The following NTM variants were observed in gnomAD, a reference collection of about 807,000 sequenced individuals.
NTM encodes the protein neurotrimin.
NTM carries 13 observed loss-of-function variants against 42.1 expected under a neutral mutation model. The ratio of observed to expected loss-of-function variants is 0.31; its 90% CI spans 0.20 to 0.49. The LOEUF (loss-of-function observed/expected upper bound fraction) is 0.49, where lower values mean the gene tolerates loss of function less well. Ranked by LOEUF, NTM falls within the 20% of genes least tolerant of loss-of-function variation. The pLI is 0.99. For synonymous variants in NTM, 187 were observed against 179.2 expected (o/e 1.04, Z -0.35); for missense variants, 373 against 452.8 (o/e 0.82, Z 1.60).
intron 1 of NTM, among the ~76,000 whole-genome samples, chr11:131,789,695 G>A (rs956546562): frequency 4.6e-5 from 7 of 150,858 alleles, no homozygotes; most frequent in Admixed American, 2.0e-4. Context: ...GGTGGCTCTC[G>A]CCTGTAATCC....
intron 2 of NTM, among the ~76,000 whole-genome samples, chr11:132,104,959 A>G (rs867126067): frequency 0.02 from 2,129 of 105,544 alleles, 281 homozygotes; most frequent in African/African-American, 0.046. Context: ...ATATATATAT[A>G]TATATATATA....
chr11:131,773,313 T>C (rs527564107), intron 1 of NTM, among the ~76,000 whole-genome samples: 1 of 152,328 alleles, frequency 6.6e-6, no homozygotes, highest in Non-Finnish European at 1.5e-5. Context: ...ACTAATCACA[T>C]CCCCAAAGCC....
intron 2 of NTM, among the ~76,000 whole-genome samples, chr11:131,922,619 C>G (rs1384567402): frequency 6.6e-6 from 1 of 152,100 alleles, no homozygotes; most frequent in Non-Finnish European, 1.5e-5. Flanking sequence ...CACTTTTTAC[C>G]ATCTCAAGCA....
intron 1 of NTM, among the ~76,000 whole-genome samples, chr11:131,884,993 C>A (rs1173650501): frequency 6.6e-6 from 1 of 152,152 alleles, no homozygotes; most frequent in Non-Finnish European, 1.5e-5. Context: ...CCCAGCATTA[C>A]AGCTGGGTAA....
intron 1 of NTM, among the ~76,000 whole-genome samples, chr11:131,521,709 C>T (rs976918650): frequency 6.6e-6 from 1 of 151,884 alleles, no homozygotes; most frequent in Non-Finnish European, 1.5e-5. Context: ...GCTCCCCTCC[C>T]ACTAGGCTCC....
At chr11:131,555,266 G>A (rs2055252762) in intron 1 of NTM, among the ~76,000 whole-genome samples, 1 of 152,148 alleles carries the variant, frequency 6.6e-6, no homozygotes, top group Non-Finnish European at 1.5e-5. Context: ...CTCAATCTGT[G>A]GCAAGATATA....
intron 1 of NTM, among the ~76,000 whole-genome samples, chr11:131,890,016 A>T (rs1299133565): frequency 4.0e-5 from 6 of 151,846 alleles, no homozygotes; most frequent in African/African-American, 1.4e-4. Flanking sequence ...TTCTCAGCCC[A>T]CCCAAAGCTC....
chr11:131,397,976 A>G (rs1944743742), intron 1 of NTM, among the ~76,000 whole-genome samples: 1 of 152,202 alleles, frequency 6.6e-6, no homozygotes, highest in Non-Finnish European at 1.5e-5. Context: ...GCATGTCAAA[A>G]AGCTGTGTAA....
intron 1 of NTM, among the ~76,000 whole-genome samples, chr11:131,798,322 A>C (rs1416241035): frequency 6.6e-6 from 1 of 152,150 alleles, no homozygotes; most frequent in East Asian, 1.9e-4. Flanking sequence ...ACAGTGCTGC[A>C]GTTGTTTTTT....
rs571025153 is a variant in NTM, at chr11:131,813,909, A to G, written c.83-97655A>G. ...AGCCCTCATTCTCCTCATTCGTAAC[A>G]GTGCCTACTTCACAGACTTCATGGA... On this transcript the variant is annotated intron_variant, in intron 1 of 8. Transcript: ENST00000683400. Among the ~76,000 whole-genome samples, 5 of 152,292 alleles carry G rather than the reference A, an allele frequency of 3.3e-5. No homozygotes were observed. In the East Asian group the frequency reaches 9.7e-4, roughly 29 times the overall value.
intron 4 of NTM, among the ~76,000 whole-genome samples, chr11:132,236,729 C>T (rs912651260): frequency 1.3e-5 from 2 of 152,212 alleles, no homozygotes; most frequent in African/African-American, 2.4e-5. Flanking sequence ...TGTGCTAGTG[C>T]TCAGAAGTGT....
chr11:132,302,785 C>T (rs1228440341), intron 4 of NTM, among the ~76,000 whole-genome samples: 1 of 152,164 alleles, frequency 6.6e-6, no homozygotes, highest in African/African-American at 2.4e-5. Flanking sequence ...CATCAGGAGG[C>T]CTGGTGTGCT....
intron 1 of NTM, among the ~76,000 whole-genome samples, chr11:131,383,376 G>A (rs1221235193): frequency 6.6e-6 from 1 of 152,220 alleles, no homozygotes; most frequent in Admixed American, 6.5e-5. Flanking sequence ...ATAAAAGCAG[G>A]TAAGTTTGCT....
At chr11:132,260,086 C>A (rs2092753573) in intron 4 of NTM, among the ~76,000 whole-genome samples, 1 of 152,110 alleles carries the variant, frequency 6.6e-6, no homozygotes, top group African/African-American at 2.4e-5. Flanking sequence ...GAATGGGAAA[C>A]AAGGGAGGAG....
At chr11:132,042,553 G>A (rs2077345522) in intron 2 of NTM, among the ~76,000 whole-genome samples, 1 of 152,218 alleles carries the variant, frequency 6.6e-6, no homozygotes, top group African/African-American at 2.4e-5. Context: ...GACACCTCCA[G>A]TGAAAAGGCT....
chr11:131,657,025 T>A (rs2067276477), intron 1 of NTM, among the ~76,000 whole-genome samples: 1 of 151,898 alleles, frequency 6.6e-6, no homozygotes. Context: ...AACCAAGTGC[T>A]TCTCTGCATT....
chr11:131,780,770 A>C lies in NTM; in HGVS notation c.83-130794A>C, dbSNP rs531286736. Among the ~76,000 whole-genome samples the C allele has an allele frequency of 5.3e-5, 8 of 152,338 alleles. No homozygotes were observed. The East Asian group carries it at 9.7e-4, about 18-fold the overall frequency. On this transcript the variant is annotated intron_variant, in intron 1 of 8. Transcript: ENST00000683400. ...CTAAGTACACGAAGCAGCCTTTAGA[A>C]TCTAATGTGAGAGGGTCCTTATGGT...
At chr11:132,161,661 C>T (rs962265294) in intron 3 of NTM, among the ~76,000 whole-genome samples, 3 of 152,006 alleles carry the variant, frequency 2.0e-5, no homozygotes, top group Non-Finnish European at 2.9e-5. Context: ...TCCCCTGGCG[C>T]CCCCTTGCCA....
At chr11:132,099,007 C>G (rs958902534) in intron 2 of NTM, among the ~76,000 whole-genome samples, 8 of 152,208 alleles carry the variant, frequency 5.3e-5, no homozygotes, top group African/African-American at 1.9e-4. Flanking sequence ...GAGCAAATCC[C>G]CAGAAGCTGG....
Sources: allele counts gnomAD v4.1 joint callset (sites outside exome capture counted in the v4.1 genomes callset), GRCh38; gene constraint gnomAD v4.1.1; transcripts MANE v1.5; gene names NCBI Gene and HGNC (gene_info 2026-07-23, HGNC 2026-07-21).